Variants in MAP2 observed in about 807,000 individuals in gnomAD.
MAP2 encodes the protein microtubule associated protein 2.
MAP2 carries 14 observed loss-of-function variants against 137.6 expected under a neutral mutation model. The observed-to-expected ratio is 0.10, with a 90% CI of 0.07 to 0.16. The LOEUF (loss-of-function observed/expected upper bound fraction) is 0.16, where lower values mean the gene tolerates loss of function less well. Among genes scored for constraint, MAP2 ranks in the 10% least tolerant of loss-of-function variants. MAP2 has a pLI of 1.00. For missense variants in MAP2, 2,088 were observed against 2,191.5 expected (o/e 0.95, Z 0.94); for synonymous variants, 786 against 782.3 (o/e 1.00, Z -0.08).
At chr2:209,600,342 G>T (rs977379749) in intron 3 of MAP2, among the ~76,000 whole-genome samples, 3 of 152,164 alleles carry the variant, frequency 2.0e-5, no homozygotes, top group Non-Finnish European at 4.4e-5. Context: ...AAGCTGGCAG[G>T]GGCAATGTTA....
Position 209,693,502 on chromosome 2 carries a change from TGAA to T in MAP2, c.1336_1338del (p.Glu446del). On this transcript the variant is annotated inframe_deletion, in exon 8 of 16. Coordinates refer to ENST00000682079, the MANE Select transcript of MAP2 (RefSeq NM_001375505.1). ...CTGAAAAGGAAACTGAGCTGAAGCT[TGAA>T]GAAAAAACCACCATTTCTGACAAAG... 1 of 1,611,106 alleles carries T rather than the reference TGAA, an allele frequency of 6.2e-7. No individual in the cohort carries two copies. The highest frequency in any genetic ancestry group is 1.7e-4 in the Middle Eastern group (1 of 6,040).
rs767693312 is a variant in MAP2 at position 209,705,695 on chromosome 2, G to T, written c.4700G>T (p.Ser1567Ile). The change falls in exon 12 of 16, where the codon AGT becomes ATT. Residue 1567 changes from serine to isoleucine, a missense_variant. By Grantham distance (142) the Ser-to-Ile change is moderately radical (BLOSUM62 -2). Around this residue, in one of 6 missense-constraint regions of MAP2, gnomAD observed 591 missense variants for 642.6 expected, o/e 0.92. Coordinates refer to ENST00000682079, the MANE Select transcript of MAP2 (RefSeq NM_001375505.1). ...DRDENSFSLN[S>I]SISSSARRTT... ...GATGAGAATTCCTTCTCTCTCAACA[G>T]TTCTATCTCTTCTTCAGCACGGCGG... 1 of 1,612,966 alleles carries T rather than the reference G, an allele frequency of 6.2e-7. No homozygotes were observed. The highest frequency in any genetic ancestry group is 1.3e-5 in the African/African-American group (1 of 74,972).
chr2:209,723,619 G>T (rs559897682), intron 13 of MAP2: 1 of 1,613,422 alleles, frequency 6.2e-7, no homozygotes, highest in Non-Finnish European at 8.5e-7. Context: ...CAAGAAGATC[G>T]ATTTTAGCAA....
chr2:209,692,614 G>A lies in MAP2; in HGVS notation c.455-11G>A, dbSNP rs556836189. ...CTATTATTTGTTTAAAAATCAACCC[G>A]ATTACTTCAGATTTACTTACAGCCT... On this transcript the variant is annotated splice_polypyrimidine_tract_variant and intron_variant, in intron 7 of 15. Transcript: ENST00000682079. The A allele has an allele frequency of 3.9e-6, 6 of 1,541,882 alleles. No homozygotes were observed. Among genetic ancestry groups the A allele is most frequent in the South Asian group, 3.8e-5 (3 of 78,910 alleles).
intron 2 of MAP2, among the ~76,000 whole-genome samples, chr2:209,508,233 G>A (rs1195233370): frequency 6.6e-6 from 1 of 151,326 alleles, no homozygotes; most frequent in Non-Finnish European, 1.5e-5. Flanking sequence ...AATAAACTTG[G>A]GATTTTATTT....
At chr2:209,697,308 C>T (rs551940188) in intron 10 of MAP2, among the ~76,000 whole-genome samples, 7 of 152,164 alleles carry the variant, frequency 4.6e-5, no homozygotes, top group South Asian at 2.1e-4. Flanking sequence ...TCTAGTGTCA[C>T]GTTCTGGGGA....
chr2:209,711,627 C>T (rs1014180009), intron 13 of MAP2, among the ~76,000 whole-genome samples: 1 of 152,254 alleles, frequency 6.6e-6, no homozygotes, highest in East Asian at 1.9e-4. Flanking sequence ...AAAACTCAAA[C>T]TATTCTTGCG....
intron 4 of MAP2, among the ~76,000 whole-genome samples, chr2:209,632,174 T>G (rs1307836765): frequency 6.6e-6 from 1 of 152,124 alleles, no homozygotes; most frequent in Non-Finnish European, 1.5e-5. Context: ...TATGTGGCAG[T>G]GGACAAGAAA....
At chr2:209,501,012 G>A (rs1484113503) in intron 1 of MAP2, among the ~76,000 whole-genome samples, 3 of 141,762 alleles carry the variant, frequency 2.1e-5, no homozygotes, top group Non-Finnish European at 4.6e-5. Flanking sequence ...CACTCCAGCC[G>A]GGACAATAGA....
chr2:209,688,990 G>T (rs962423514), intron 7 of MAP2, among the ~76,000 whole-genome samples: 10 of 152,066 alleles, frequency 6.6e-5, no homozygotes, highest in African/African-American at 2.4e-4. Context: ...TCTAAAATAT[G>T]TGAGTTTTTA....
intron 3 of MAP2, among the ~76,000 whole-genome samples, chr2:209,614,601 AT>A (rs1317945924): frequency 6.6e-6 from 1 of 152,156 alleles, no homozygotes; most frequent in East Asian, 1.9e-4. Flanking sequence ...ATGTTGATAT[AT>A]TTTCTGAGCC....
At chr2:209,723,193 G>C (rs1406267555) in intron 13 of MAP2, among the ~76,000 whole-genome samples, 1 of 152,184 alleles carries the variant, frequency 6.6e-6, no homozygotes. Context: ...CGAGGGAATG[G>C]CATATCCTCT....
intron 7 of MAP2, among the ~76,000 whole-genome samples, chr2:209,687,993 C>T (rs895152102): frequency 2.1e-4 from 32 of 152,246 alleles, no homozygotes; most frequent in African/African-American, 7.5e-4. Flanking sequence ...TTTGCTCCTC[C>T]GCCCCGGCCT....
intron 1 of MAP2, among the ~76,000 whole-genome samples, chr2:209,502,999 C>CTTTTTTTTTTTT (rs71043931): frequency 9.1e-5 from 12 of 131,330 alleles, no homozygotes; most frequent in East Asian, 4.7e-4. Context: ...GATTTTTTTT[C>CTTTTTTTTTTTT]TTTTTTTTTT....
chr2:209,646,721 T>C (rs2094443044), intron 4 of MAP2, among the ~76,000 whole-genome samples: 1 of 152,194 alleles, frequency 6.6e-6, no homozygotes, highest in African/African-American at 2.4e-5. Context: ...CAAAATTGTT[T>C]TGCCATAGTA....
Position 209,696,660 on chromosome 2 carries a change from C to G in MAP2, c.4299C>G (p.Thr1433=). ...EKHRKEKPFK[T]GRGRISTPER... ...ATAGAAAAGAAAAGCCTTTTAAAAC[C>G]GGGAGAGGCAGAATTTCCACTCCTG... The change falls in exon 9 of 16, where the codon ACC becomes ACG. Residue 1433 remains threonine, a synonymous_variant. Transcript: ENST00000682079. 6.2e-7 allele frequency: 1 copy of G among 1,613,738 alleles called. No individual in the cohort carries two copies. The highest frequency in any genetic ancestry group is 2.2e-5 in the East Asian group (1 of 44,834).
intron 1 of MAP2, among the ~76,000 whole-genome samples, chr2:209,454,823 CTCTG>C (rs750278001): frequency 2.6e-5 from 4 of 152,252 alleles, no homozygotes; most frequent in South Asian, 2.1e-4. Context: ...TAATCATTTA[CTCTG>C]TCTTAGTCAA....
In MAP2 at chr2:209,678,697, G is replaced by A. The variant is rs2053090645; in HGVS notation, c.376+12G>A. 2.0e-6 allele frequency: 3 copies of A among 1,526,426 alleles called. No individual in the cohort carries two copies. Among genetic ancestry groups the A allele is most frequent in the Non-Finnish European group, 2.7e-6 (3 of 1,112,678 alleles). 94.6% of individuals were successfully genotyped at this position (1,526,426 alleles called of 1,614,324 possible). A position where few individuals can be genotyped will look rare whatever the true frequency, so the allele number is the denominator to read the frequency against. ...AGCTCTGCCTTTAGGTAAATAAGAAGATTCTCAGGTCAGGGACTGTGTCTG... is the reference window on the plus strand; with the variant it reads ...AGCTCTGCCTTTAGGTAAATAAGAAAATTCTCAGGTCAGGGACTGTGTCTG... On this transcript the variant is annotated intron_variant, in intron 6 of 15. Coordinates refer to ENST00000682079, the MANE Select transcript of MAP2 (RefSeq NM_001375505.1).
intron 13 of MAP2, chr2:209,710,629 T>C (rs1423116877): frequency 5.9e-6 from 1 of 169,830 alleles, no homozygotes; most frequent in Non-Finnish European, 1.3e-5. Context: ...GGCTATCTTT[T>C]AGTGATTCCA....
Sources: gnomAD v4.1 joint callset for allele counts (sites outside exome capture counted in the v4.1 genomes callset) on GRCh38, gnomAD v4.1.1 for gene constraint, gnomAD v4.1.1 regional missense constraint, MANE v1.5 for transcripts, NCBI Gene and HGNC (gene_info 2026-07-23, HGNC 2026-07-21) for gene names.